Variants in SH3D19 observed in about 807,000 individuals in gnomAD.
SH3D19 encodes the protein SH3 domain-containing protein 19.
SH3D19 carries 58 observed loss-of-function variants against 112.1 expected under a neutral mutation model. That is an observed-to-expected ratio of 0.52 (90% CI 0.42 to 0.64). SH3D19 has a LOEUF of 0.64. Ranked by LOEUF, SH3D19 falls within the 30% of genes least tolerant of loss-of-function variation. SH3D19 has a pLI of 0.00. For missense variants in SH3D19, 1,090 were observed against 1,263.4 expected, an observed-to-expected ratio of 0.86 and a Z score of 2.08; for synonymous variants, 391 against 448.5, an observed-to-expected ratio of 0.87 and a Z score of 1.62.
At chr4:151,156,734 C>T (rs1295603098) in intron 9 of SH3D19, among the ~76,000 whole-genome samples, 1 of 152,124 alleles carries the variant, frequency 6.6e-6, no homozygotes, top group Non-Finnish European at 1.5e-5. Flanking sequence ...GGGAAAAGAC[C>T]TCAGGACATT....
chr4:151,195,956 C>T (rs1030404294), intron 2 of SH3D19, among the ~76,000 whole-genome samples: 1 of 150,814 alleles, frequency 6.6e-6, no homozygotes, highest in African/African-American at 2.4e-5. Flanking sequence ...AGAATTTTCT[C>T]AAACCGGTCA....
chr4:151,181,761 G>C (rs1760978847), intron 3 of SH3D19: 1 of 152,164 alleles, frequency 6.6e-6, no homozygotes, highest in South Asian at 2.1e-4. Context: ...TTATAGAAGA[G>C]GAAAGGAAGA....
At chr4:151,308,610 C>A (rs1424221337) in intron 1 of SH3D19, among the ~76,000 whole-genome samples, 1 of 152,162 alleles carries the variant, frequency 6.6e-6, no homozygotes, top group East Asian at 1.9e-4. Context: ...CCATCCTGTG[C>A]AGAATTGTGG....
At chr4:151,267,947 TTGTC>T (rs1332949345) in intron 1 of SH3D19, among the ~76,000 whole-genome samples, 1 of 152,186 alleles carries the variant, frequency 6.6e-6, no homozygotes, top group Non-Finnish European at 1.5e-5. Context: ...AGAAAGAAGA[TTGTC>T]TGTGAAAGGT....
chr4:151,234,909 A>G (rs983547883), intron 1 of SH3D19, among the ~76,000 whole-genome samples: 4 of 151,588 alleles, frequency 2.6e-5, no homozygotes, highest in African/African-American at 7.3e-5. Context: ...ACACCCGGGT[A>G]ATTAAAAAAA....
intron 1 of SH3D19, among the ~76,000 whole-genome samples, chr4:151,235,931 G>A (rs184855485): frequency 2.6e-5 from 4 of 152,256 alleles, no homozygotes; most frequent in South Asian, 2.1e-4. Flanking sequence ...AGTCATCTCC[G>A]TGTCCAGCAC....
At chr4:151,270,229 A>G (rs11936543) in intron 1 of SH3D19, among the ~76,000 whole-genome samples, 5,988 of 152,196 alleles carry the variant, frequency 0.039, 167 homozygotes, top group African/African-American at 0.044. Flanking sequence ...GTAATCCCCA[A>G]TGTTGGAGGT....
intron 1 of SH3D19, among the ~76,000 whole-genome samples, chr4:151,265,569 CTT>C (rs763878307): frequency 1.5e-4 from 19 of 126,096 alleles, no homozygotes; most frequent in African/African-American, 3.1e-4. Flanking sequence ...TATTTCTTTT[CTT>C]TTTTTTTTTT....
intron 2 of SH3D19, among the ~76,000 whole-genome samples, chr4:151,195,887 C>T (rs1447012710): frequency 6.7e-6 from 1 of 148,886 alleles, no homozygotes; most frequent in Non-Finnish European, 1.5e-5. Flanking sequence ...TTACACCCTA[C>T]TTAACAATGA....
chr4:151,141,602 G>A (rs1039444800), intron 12 of SH3D19, among the ~76,000 whole-genome samples: 7 of 152,114 alleles, frequency 4.6e-5, no homozygotes, highest in African/African-American at 1.7e-4. Flanking sequence ...CTATGATTGT[G>A]CCACTATACT....
intron 19 of SH3D19, among the ~76,000 whole-genome samples, chr4:151,122,847 C>CTTTT (rs760704406): frequency 1.1e-4 from 13 of 120,814 alleles, no homozygotes; most frequent in Middle Eastern, 4.8e-3. Flanking sequence ...ATTTTAGAGA[C>CTTTT]TTTTTTTTTT....
rs964321256 is a variant in SH3D19, at chr4:151,128,230, T to C, written c.2869A>G (p.Arg957Gly). 1 of 1,614,150 alleles carries C rather than the reference T, an allele frequency of 6.2e-7. No individual in the cohort carries two copies. ...CCCTCCCTGTCCTGCAGTCTGCCCC[T>C]GCACCAGTCAGAATCCAGACGTTCC... is the stretch of plus-strand genomic sequence containing the variant. ...ILERLDSDWCRGRLQDREGIF... is the reference protein window; with the variant it reads ...ILERLDSDWCGGRLQDREGIF... Residue 957 changes from arginine (R) to glycine (G), a missense_variant, in exon 18 of 20, where the codon AGG (arginine) becomes GGG (glycine). Transcript: ENST00000604030.
rs140102491 is a variant in SH3D19, at chr4:151,202,283, C to A, written c.153-14820G>T. On this transcript the variant is annotated intron_variant, in intron 2 of 19. Transcript: ENST00000604030. ...TCAGGAGGCGGAGGTTGCTGTGAGC[C>A]GAGATCGCGCCACTGAATGCCAGCC... 4.2e-3 allele frequency among the ~76,000 whole-genome samples: 632 copies of A among 152,258 alleles called. 1 individual carries two copies. Among genetic ancestry groups the A allele is most frequent in the Non-Finnish European group, 7.0e-3 (476 of 68,028 alleles).
At chr4:151,226,743 A>C (rs536657161) in intron 1 of SH3D19, 1 of 152,618 alleles carries the variant, frequency 6.6e-6, no homozygotes, top group African/African-American at 2.4e-5. Context: ...TTTCACCAAA[A>C]GAATTATCTC....
intron 1 of SH3D19, among the ~76,000 whole-genome samples, chr4:151,285,684 T>C (rs1450656666): frequency 4.0e-5 from 6 of 151,852 alleles, no homozygotes; most frequent in Non-Finnish European, 8.8e-5. Flanking sequence ...CTGGGCAACA[T>C]AGTGAGACCT....
At chr4:151,225,496 A>G (rs1768848210) in intron 2 of SH3D19, among the ~76,000 whole-genome samples, 1 of 152,192 alleles carries the variant, frequency 6.6e-6, no homozygotes, top group African/African-American at 2.4e-5. Flanking sequence ...GCCACTTGAA[A>G]TACCTAACAA....
chr4:151,279,669 T>G, intron 1 of SH3D19: 2 of 800,140 alleles, frequency 2.5e-6, no homozygotes, highest in African/African-American at 1.7e-5. Context: ...CAGAATAGGA[T>G]GGAGTATGGT....
intron 2 of SH3D19, among the ~76,000 whole-genome samples, chr4:151,213,365 C>A (rs1766297705): frequency 1.3e-5 from 2 of 152,090 alleles, no homozygotes; most frequent in African/African-American, 4.8e-5. Context: ...GATATTGGGA[C>A]CAGGAGTGGT....
chr4:151,292,131 C>G (rs993555786), intron 1 of SH3D19, among the ~76,000 whole-genome samples: 7 of 152,052 alleles, frequency 4.6e-5, no homozygotes, highest in African/African-American at 1.7e-4. Context: ...GCCCCTGTCT[C>G]TACAAAAGAA....
Sources: gnomAD v4.1 joint callset for allele counts (sites outside exome capture counted in the v4.1 genomes callset) on GRCh38, gnomAD v4.1.1 for gene constraint, MANE v1.5 for transcripts, NCBI Gene and HGNC (gene_info 2026-07-23, HGNC 2026-07-21) for gene names.